COBL: variants seen among roughly 807,000 people sequenced by gnomAD.
COBL encodes cordon-bleu WH2 repeat protein.
Under a neutral mutation model 98.8 loss-of-function variants are expected in COBL, and 51 were observed. The ratio of observed to expected loss-of-function variants is 0.52; its 90% CI spans 0.41 to 0.65. The LOEUF (loss-of-function observed/expected upper bound fraction) is 0.65, where lower values mean the gene tolerates loss of function less well. Ranked by LOEUF, COBL falls within the 30% of genes least tolerant of loss-of-function variation. The pLI is 0.00. For missense variants in COBL, 1,617 were observed against 1,617.5 expected, an observed-to-expected ratio of 1.00 and a Z score of 0.01; for synonymous variants, 634 against 651.7, an observed-to-expected ratio of 0.97 and a Z score of 0.41.
intron 8 of COBL, chr7:51,032,100 C>T (rs941317531): frequency 1.3e-5 from 2 of 152,174 alleles, no homozygotes; most frequent in Non-Finnish European, 2.9e-5. Flanking sequence ...AAACTATGTA[C>T]GGAGAGACTA....
intron 1 of COBL, among the ~76,000 whole-genome samples, chr7:51,271,078 C>T (rs1252000429): frequency 4.6e-5 from 7 of 152,222 alleles, no homozygotes; most frequent in African/African-American, 1.7e-4. Flanking sequence ...TTGGGACAGG[C>T]CGCCAGGCCT....
At chr7:51,272,875 C>G (rs1209333802) in intron 1 of COBL, among the ~76,000 whole-genome samples, 1 of 152,062 alleles carries the variant, frequency 6.6e-6, no homozygotes, top group Non-Finnish European at 1.5e-5. Flanking sequence ...CAGGTAAAGA[C>G]AACTTAATAC....
chr7:51,078,750 G>C (rs1793330082), intron 7 of COBL, among the ~76,000 whole-genome samples: 2 of 152,146 alleles, frequency 1.3e-5, no homozygotes, highest in African/African-American at 4.8e-5. Flanking sequence ...TCATCTGTAG[G>C]CTCTACTGGG....
intron 1 of COBL, among the ~76,000 whole-genome samples, chr7:51,239,360 T>G (rs1227312040): frequency 1.3e-5 from 2 of 152,086 alleles, no homozygotes; most frequent in Non-Finnish European, 2.9e-5. Flanking sequence ...ACTCCTACAC[T>G]CCCACCAGCA....
At chr7:51,022,645 C>T (rs1369579761) in intron 12 of COBL, 2 of 152,236 alleles carry the variant, frequency 1.3e-5, no homozygotes, top group Non-Finnish European at 2.9e-5. Context: ...GTTATTATCT[C>T]CTCCGCTTGC....
chr7:51,268,055 T>C lies in COBL; in HGVS notation c.42-48111A>G, dbSNP rs1011825514. On this transcript the variant is annotated intron_variant, in intron 1 of 12. Coordinates refer to ENST00000265136, the MANE Select transcript of COBL (RefSeq NM_015198.5). ...TGGTATCTGGTATTGGTGGTAGAGATGAGGACTGGACAGCCTTCCTCCCTC... is the reference window on the plus strand; with the variant it reads ...TGGTATCTGGTATTGGTGGTAGAGACGAGGACTGGACAGCCTTCCTCCCTC... Among the ~76,000 whole-genome samples, 15 of 152,268 alleles carry C rather than the reference T, an allele frequency of 9.9e-5. 1 individual carries two copies. The highest frequency in any genetic ancestry group is 3.4e-3 in the Middle Eastern group (1 of 294).
intron 6 of COBL, among the ~76,000 whole-genome samples, chr7:51,121,765 T>C (rs1797758773): frequency 1.3e-5 from 2 of 152,320 alleles, no homozygotes; most frequent in Non-Finnish European, 2.9e-5. Context: ...AAACCCACTT[T>C]TCTGATTGTG....
intron 6 of COBL, among the ~76,000 whole-genome samples, chr7:51,106,417 C>T (rs1796275844): frequency 6.6e-6 from 1 of 152,136 alleles, no homozygotes; most frequent in Admixed American, 6.5e-5. Flanking sequence ...CGGCTGGTGT[C>T]ATCCTGGCAG....
chr7:51,299,582 G>C (rs1200693736), intron 1 of COBL, among the ~76,000 whole-genome samples: 1 of 152,114 alleles, frequency 6.6e-6, no homozygotes. Context: ...GCAGCCCTGG[G>C]CCCAGGAAGA....
chr7:51,315,259 CAAAA>C (rs71021769), intron 1 of COBL, among the ~76,000 whole-genome samples: 1 of 137,524 alleles, frequency 7.3e-6, no homozygotes. Context: ...AAGTGCACTG[CAAAA>C]AAAAAAAAAG....
At chr7:51,164,867 G>A (rs1787146004) in intron 5 of COBL, among the ~76,000 whole-genome samples, 1 of 152,000 alleles carries the variant, frequency 6.6e-6, no homozygotes, top group South Asian at 2.1e-4. Flanking sequence ...GTAAAAAAGT[G>A]GGGAGATGAA....
intron 5 of COBL, among the ~76,000 whole-genome samples, chr7:51,157,113 G>A (rs1457117546): frequency 6.6e-6 from 1 of 152,198 alleles, no homozygotes; most frequent in African/African-American, 2.4e-5. Context: ...GCTCACGCCT[G>A]TAATCCTAGC....
chr7:51,204,899 G>T (rs764038017), intron 2 of COBL, among the ~76,000 whole-genome samples: 1 of 152,068 alleles, frequency 6.6e-6, no homozygotes, highest in Non-Finnish European at 1.5e-5. Context: ...AGGAAATTAA[G>T]AAAGTAGGAA....
At chr7:51,097,432 G>A (rs567841283) in intron 6 of COBL, among the ~76,000 whole-genome samples, 4 of 152,266 alleles carry the variant, frequency 2.6e-5, no homozygotes, top group African/African-American at 9.6e-5. Context: ...TGAAAATAGT[G>A]TTGGGAGTCC....
At chr7:51,054,137 T>C (rs1170601906) in intron 7 of COBL, among the ~76,000 whole-genome samples, 3 of 152,210 alleles carry the variant, frequency 2.0e-5, no homozygotes, top group African/African-American at 7.2e-5. Flanking sequence ...GCTGGGATCG[T>C]GCTGCAACTG....
chr7:51,063,398 G>A (rs752132788), intron 7 of COBL, among the ~76,000 whole-genome samples: 2 of 152,204 alleles, frequency 1.3e-5, no homozygotes, highest in African/African-American at 2.4e-5. Context: ...GCCTCCCAAA[G>A]TGCTGGGATT....
Position 51,253,261 on chromosome 7 carries a change from AATTT to A in COBL, c.42-33321_42-33318del, listed in dbSNP as rs371359770. Reference sequence around the variant, plus strand: ...TAAATAAAATGCATTATTTCTTCTGAATTTATTAAGGTGACATTCTCTCTATTTG... The same window carrying A: ...TAAATAAAATGCATTATTTCTTCTGAATTAAGGTGACATTCTCTCTATTTG... On this transcript the variant is annotated intron_variant, in intron 1 of 12. Transcript: ENST00000265136. Among the ~76,000 whole-genome samples, 718 of 152,276 alleles carry A rather than the reference AATTT, an allele frequency of 4.7e-3. 3 individuals carry two copies. The highest frequency in any genetic ancestry group is 0.016 in the African/African-American group (667 of 41,550).
In COBL at chr7:51,316,671, C is replaced by A; in HGVS notation, c.-38G>T. Reference sequence around the variant, plus strand: ...CGGGACGCGGGCGGTGCTCCGGGCCCGCCGAGTCAGGCGCTGGCTACCGCC... The same window carrying A: ...CGGGACGCGGGCGGTGCTCCGGGCCAGCCGAGTCAGGCGCTGGCTACCGCC... On this transcript the variant is annotated 5_prime_UTR_variant, in exon 1 of 13. Coordinates refer to ENST00000265136, the MANE Select transcript of COBL (RefSeq NM_015198.5). 1.7e-6 allele frequency: 2 copies of A among 1,189,142 alleles called. No homozygotes were observed. The highest frequency in any genetic ancestry group is 1.6e-5 in the African/African-American group (1 of 62,682). The allele number at this position is 1,189,142 out of a possible 1,614,324, so 73.7% of individuals were successfully genotyped here. A position where few individuals can be genotyped will look rare whatever the true frequency, so the allele number is the denominator to read the frequency against.
rs776347202 is a variant in COBL, at chr7:51,043,626, G to T, written c.1163C>A (p.Ala388Glu). 6.2e-7 allele frequency: 1 copy of T among 1,614,126 alleles called. No homozygotes were observed. The highest frequency in any genetic ancestry group is 2.2e-5 in the East Asian group (1 of 44,880). Residue 388 changes from alanine (A) to glutamate (E), a missense_variant, in exon 8 of 13, where the codon GCG becomes GAG. Transcript: ENST00000265136. The part of the protein sequence containing the change: ...PDGAPQVLSE[A>E]EETVSVGSCF... ...GCTGCCAACTGACACGGTCTCCTCC[G>T]CCTCTGACAGCACCTGCGGGGCTCC...
Sources: gnomAD v4.1 joint callset for allele counts (sites outside exome capture counted in the v4.1 genomes callset) on GRCh38, gnomAD v4.1.1 for gene constraint, MANE v1.5 for transcripts, NCBI Gene and HGNC (gene_info 2026-07-23, HGNC 2026-07-21) for gene names.